The following ADIPOR2 variants were observed in gnomAD, a reference collection of about 807,000 sequenced individuals.
The protein encoded by ADIPOR2 is adiponectin receptor 2, also known as adiponectin receptor protein 2.
ADIPOR2 carries 18 observed loss-of-function variants against 40.9 expected under a neutral mutation model. That is an observed-to-expected ratio of 0.44 (90% CI 0.30 to 0.65). The LOEUF is 0.65. Among genes scored for constraint, ADIPOR2 ranks in the 30% least tolerant of loss-of-function variants. The pLI, the probability that ADIPOR2 is intolerant of heterozygous loss-of-function variation, is 0.09. For missense variants in ADIPOR2, 283 were observed against 479.2 expected, an observed-to-expected ratio of 0.59 and a Z score of 3.82; for synonymous variants, 165 against 166.4, an observed-to-expected ratio of 0.99 and a Z score of 0.06.
chr12:1,768,788 A>G (rs1284997234), intron 2 of ADIPOR2, among the ~76,000 whole-genome samples: 2 of 152,234 alleles, frequency 1.3e-5, no homozygotes, highest in Admixed American at 6.5e-5. Context: ...TACAGTCAGC[A>G]AAGTTCTCAC....
intron 1 of ADIPOR2, among the ~76,000 whole-genome samples, chr12:1,706,964 T>TAGTG (rs1219623182): frequency 6.6e-6 from 1 of 152,128 alleles, no homozygotes; most frequent in Non-Finnish European, 1.5e-5. Context: ...CAGTCCAGCT[T>TAGTG]AGTGACAGTG....
At chr12:1,692,244 T>G (rs2094628659) in intron 1 of ADIPOR2, among the ~76,000 whole-genome samples, 1 of 152,200 alleles carries the variant, frequency 6.6e-6, no homozygotes, top group Admixed American at 6.5e-5. Flanking sequence ...ATAGCATTAT[T>G]TTTTGGGGGG....
Position 1,751,690 on chromosome 12 carries a change from A to T in ADIPOR2, c.-86-2568A>T, listed in dbSNP as rs79666837. Among the ~76,000 whole-genome samples the T allele has an allele frequency of 4.0e-3, 599 of 147,982 alleles. 5 individuals are homozygous for T. The highest frequency in any genetic ancestry group is 0.014 in the Middle Eastern group (4 of 288). On this transcript the variant is annotated intron_variant, in intron 1 of 7. Transcript: ENST00000357103. Reference sequence around the variant, plus strand: ...CCACCACACCCGGCTAATTAAAAAAATTTTTTTTTTTGTAGAGGTGGGTCT... The same window carrying T: ...CCACCACACCCGGCTAATTAAAAAATTTTTTTTTTTTGTAGAGGTGGGTCT...
At chr12:1,739,122 G>A (rs1166688351) in intron 1 of ADIPOR2, among the ~76,000 whole-genome samples, 1 of 152,192 alleles carries the variant, frequency 6.6e-6, no homozygotes, top group South Asian at 2.1e-4. Flanking sequence ...AGTAAAACAT[G>A]AATTCTTTCA....
chr12:1,692,200 A>G (rs188077955), intron 1 of ADIPOR2, among the ~76,000 whole-genome samples: 1 of 152,288 alleles, frequency 6.6e-6, no homozygotes, highest in East Asian at 1.9e-4. Flanking sequence ...ATGAAATGCT[A>G]AAAATTCCTT....
At chr12:1,737,150 G>A (rs2094732610) in intron 1 of ADIPOR2, among the ~76,000 whole-genome samples, 1 of 152,172 alleles carries the variant, frequency 6.6e-6, no homozygotes, top group Admixed American at 6.5e-5. Flanking sequence ...GAGATAATGG[G>A]CACCTGACAG....
chr12:1,709,134 C>T (rs566081276), intron 1 of ADIPOR2, among the ~76,000 whole-genome samples: 1 of 152,184 alleles, frequency 6.6e-6, no homozygotes, highest in Non-Finnish European at 1.5e-5. Flanking sequence ...GTGTCAGTTT[C>T]TATCAAAAAG....
At position 1,726,219 on chromosome 12, in the gene ADIPOR2, C is replaced by T. The variant is rs148712152; in HGVS notation, c.-86-28039C>T. ...AGTTGGGATTTTTTTTTTCTTGAGA[C>T]GGAGTTTCATTCTTGTCACCCAGGC... On this transcript the variant is annotated intron_variant, in intron 1 of 7. Coordinates refer to ENST00000357103, the MANE Select transcript of ADIPOR2 (RefSeq NM_024551.3). 8.8e-4 allele frequency among the ~76,000 whole-genome samples: 133 copies of T among 151,794 alleles called. 2 individuals are homozygous for T. The highest frequency in any genetic ancestry group is 2.9e-3 in the African/African-American group (121 of 41,396).
intron 3 of ADIPOR2, among the ~76,000 whole-genome samples, chr12:1,775,775 C>T (rs1378796841): frequency 6.6e-6 from 1 of 152,212 alleles, no homozygotes; most frequent in Non-Finnish European, 1.5e-5. Flanking sequence ...ATCTTGGTCT[C>T]TCTCTGACAC....
chr12:1,751,210 T>G (rs1181789192), intron 1 of ADIPOR2, among the ~76,000 whole-genome samples: 5 of 152,196 alleles, frequency 3.3e-5, no homozygotes, highest in Non-Finnish European at 7.3e-5. Flanking sequence ...ACAGTTCTAC[T>G]GTTGAAAGTC....
chr12:1,709,977 C>G (rs1166132440), intron 1 of ADIPOR2, among the ~76,000 whole-genome samples: 3 of 152,160 alleles, frequency 2.0e-5, no homozygotes, highest in African/African-American at 7.2e-5. Flanking sequence ...TCTGTTCATC[C>G]TGCCTAGAAG....
chr12:1,716,964 A>G (rs1444615801), intron 1 of ADIPOR2, among the ~76,000 whole-genome samples: 1 of 152,252 alleles, frequency 6.6e-6, no homozygotes, highest in Non-Finnish European at 1.5e-5. Flanking sequence ...GACCAAATAC[A>G]GCAAGAAAAA....
At chr12:1,743,229 CAAAAA>C (rs552711963) in intron 1 of ADIPOR2, among the ~76,000 whole-genome samples, 1 of 55,276 alleles carries the variant, frequency 1.8e-5, no homozygotes, top group Non-Finnish European at 3.4e-5. Context: ...CCATCTCTAC[CAAAAA>C]AAAAAAAAAA....
intron 1 of ADIPOR2, among the ~76,000 whole-genome samples, chr12:1,748,002 AT>A (rs536923696): frequency 3.3e-5 from 5 of 151,594 alleles, no homozygotes; most frequent in African/African-American, 4.8e-5. Context: ...ATTTCTTTGA[AT>A]TTTTTTTCCC....
intron 2 of ADIPOR2, 63 bp from the exon 3 acceptor site, chr12:1,772,778 TG>T: frequency 6.6e-7 from 1 of 1,518,418 alleles, no homozygotes; most frequent in Non-Finnish European, 8.9e-7. Context: ...ACAAGGGAAA[TG>T]TATTGATTGT....
intron 1 of ADIPOR2, among the ~76,000 whole-genome samples, chr12:1,752,793 C>G (rs1409894227): frequency 1.3e-5 from 2 of 152,116 alleles, no homozygotes; most frequent in Non-Finnish European, 2.9e-5. Flanking sequence ...TCCCCTGAAA[C>G]AAAATGAAAT....
intron 1 of ADIPOR2, among the ~76,000 whole-genome samples, chr12:1,743,399 G>T (rs2094747958): frequency 1.3e-5 from 2 of 151,866 alleles, no homozygotes; most frequent in African/African-American, 4.8e-5. Flanking sequence ...TAAAATACTG[G>T]GCACATTAGC....
intron 1 of ADIPOR2, among the ~76,000 whole-genome samples, chr12:1,703,756 T>G (rs1411163603): frequency 6.6e-6 from 1 of 152,070 alleles, no homozygotes; most frequent in Non-Finnish European, 1.5e-5. Context: ...TGGGAGAATC[T>G]TAATAACCTT....
intron 1 of ADIPOR2, among the ~76,000 whole-genome samples, chr12:1,717,788 T>G (rs966634972): frequency 1.3e-5 from 2 of 152,198 alleles, no homozygotes; most frequent in African/African-American, 4.8e-5. Flanking sequence ...TAGATTTGTG[T>G]GTTTGTATTA....
Sources: allele counts gnomAD v4.1 joint callset (sites outside exome capture counted in the v4.1 genomes callset), GRCh38; gene constraint gnomAD v4.1.1; transcripts MANE v1.5; gene names NCBI Gene and HGNC (gene_info 2026-07-23, HGNC 2026-07-21).